AGL: variants seen among roughly 807,000 people sequenced by gnomAD.
AGL encodes the protein amylo-alpha-1,6-glucosidase and 4-alpha-glucanotransferase, also known as glycogen debranching enzyme.
In AGL, 128 loss-of-function variants were observed where a neutral mutation model predicts 199.3. The ratio of observed to expected loss-of-function variants is 0.64; its 90% CI spans 0.56 to 0.74. The LOEUF (loss-of-function observed/expected upper bound fraction) is 0.74, where lower values mean the gene tolerates loss of function less well. Among genes scored for constraint, AGL ranks in the 30% least tolerant of loss-of-function variants. AGL has a pLI of 0.00. For synonymous variants in AGL, 584 were observed against 594.7 expected (o/e 0.98, Z 0.26); for missense variants, 1,809 against 1,820.8 (o/e 0.99, Z 0.12).
intron 25 of AGL, among the ~76,000 whole-genome samples, chr1:99,900,230 A>G (rs945123209): frequency 2.6e-5 from 4 of 152,140 alleles, no homozygotes; most frequent in African/African-American, 9.7e-5. Flanking sequence ...ATGCCCAGCC[A>G]GTTTGTTTTC....
chr1:99,901,103 G>A (rs1653801642), intron 26 of AGL, among the ~76,000 whole-genome samples: 1 of 152,018 alleles, frequency 6.6e-6, no homozygotes, highest in Non-Finnish European at 1.5e-5. Flanking sequence ...GATTGTAGAG[G>A]AAGTGTTGTG....
intron 2 of AGL, chr1:99,852,476 TCTC>T (rs1649045804): frequency 3.4e-6 from 2 of 595,418 alleles, no homozygotes; most frequent in Non-Finnish European, 5.9e-6. Flanking sequence ...CTCAAGCAGT[TCTC>T]CTGCCTCAGC....
chr1:99,881,429 A>C lies in AGL; in HGVS notation c.2139A>C (p.Gly713=). The change falls in exon 16 of 34, where the codon GGA becomes GGC. Residue 713 remains glycine (G), a synonymous_variant. Transcript: ENST00000361915. ...CAISKLHQEL[G]AKGFIQVYVD... ...TCAGTAAACTTCATCAGGAGCTTGG[A>C]GCCAAGGGTTTTATTCAGGCAAGAA... is the stretch of plus-strand genomic sequence containing the variant. 6.2e-7 allele frequency: 1 copy of C among 1,614,114 alleles called. No individual in the cohort carries two copies. Among genetic ancestry groups the C allele is most frequent in the Non-Finnish European group, 8.5e-7 (1 of 1,179,998 alleles).
chr1:99,913,763 T>G (rs1312422139), intron 30 of AGL, 25 bp downstream of exon 30: 20 of 1,602,598 alleles, frequency 1.2e-5, no homozygotes, highest in Non-Finnish European at 1.7e-5. Context: ...TGTAAAAACA[T>G]TTCAAAAAAT....
chr1:99,883,579 A>G (rs1328310931), intron 17 of AGL, among the ~76,000 whole-genome samples: 4 of 152,160 alleles, frequency 2.6e-5, no homozygotes, highest in Non-Finnish European at 5.9e-5. Context: ...TTGCAAATAT[A>G]TATAACTTCA....
rs150146360 is a variant in AGL at position 99,862,304 on chromosome 1, G to C, written c.341G>C (p.Arg114Pro). Reference sequence around the variant, plus strand: ...TACATAGTTGTGGACCCCATTTTACGTGTTGGTGCTGATAATCATGTGCTA... The same window carrying C: ...TACATAGTTGTGGACCCCATTTTACCTGTTGGTGCTGATAATCATGTGCTA... ...GGYIVVDPILRVGADNHVLPL... is the reference protein window; with the variant it reads ...GGYIVVDPILPVGADNHVLPL... The change falls in exon 4 of 34, where the codon CGT becomes CCT. Residue 114 changes from arginine (R) to proline (P), a missense_variant. Coordinates refer to ENST00000361915, the MANE Select transcript of AGL (RefSeq NM_000642.3). 1.2e-6 allele frequency: 2 copies of C among 1,613,982 alleles called. No individual in the cohort carries two copies. Among genetic ancestry groups the C allele is most frequent in the African/African-American group, 1.3e-5 (1 of 74,992 alleles).
Position 99,922,890 on chromosome 1 carries a change from T to A in AGL, c.*1239T>A, listed in dbSNP as rs1287087367. On this transcript the variant is annotated 3_prime_UTR_variant, in exon 34 of 34. Transcript: ENST00000361915. ...AATAATGCTACTTTCAAAGTAGCAT[T>A]TTTTTAGTTAGTTTACAGGTTACAT... 1.3e-5 allele frequency: 2 copies of A among 151,988 alleles called. No homozygotes were observed. Among genetic ancestry groups the A allele is most frequent in the Non-Finnish European group, 2.9e-5 (2 of 67,916 alleles). The allele number at this position is 151,988 out of a possible 1,614,324, so 9.4% of individuals were successfully genotyped here.
chr1:99,902,767 C>T lies in AGL; in HGVS notation c.3673C>T (p.Gln1225Ter). 6.2e-7 allele frequency: 1 copy of T among 1,613,254 alleles called. No individual in the cohort carries two copies. The highest frequency in any genetic ancestry group is 8.5e-7 in the Non-Finnish European group (1 of 1,179,438). Reference protein sequence around the residue: ...IQFRERNAGPQIDRNMKDEGF... With the variant: ...IQFRERNAGP ...GTTCCGAGAAAGGAATGCTGGTCCC[C>T]AGATAGATCGAAACATGAAGGACGA... The change falls in exon 27 of 34, where the codon CAG (glutamine) becomes TAG (stop). Residue 1225 changes from glutamine (Q) to a stop codon, truncating the protein, a stop_gained. Transcript: ENST00000361915. LOFTEE classifies it high-confidence loss of function.
In AGL at chr1:99,913,629, A is replaced by G. The variant is rs41285740; in HGVS notation, c.4052A>G (p.Lys1351Arg). The G allele has an allele frequency of 1.7e-4, 281 of 1,614,010 alleles. No homozygotes were observed. The highest frequency in any genetic ancestry group is 2.2e-4 in the Non-Finnish European group (259 of 1,179,900). ...GAAGACCCTTCAGATTTAAATGAAA[A>G]GCATCCAAATCTGGTTCACAAACGT... The part of the protein sequence containing the change: ...VSEDPSDLNE[K>R]HPNLVHKRGI... Residue 1351 changes from lysine (K) to arginine (R), a missense_variant, in exon 30 of 34, where the codon AAG becomes AGG. By Grantham distance (26) the Lys-to-Arg change is conservative (BLOSUM62 2). Transcript: ENST00000361915.
At chr1:99,849,840 T>A (rs1465908547), upstream of AGL, among the ~76,000 whole-genome samples, 2 of 152,142 alleles carry the variant, frequency 1.3e-5, no homozygotes, top group African/African-American at 4.8e-5. Flanking sequence ...CAGCAAAAGA[T>A]CCTACTGTGC....
chr1:99,889,305 C>T (rs2100782688), intron 21 of AGL, among the ~76,000 whole-genome samples: 1 of 152,294 alleles, frequency 6.6e-6, no homozygotes, highest in South Asian at 2.1e-4. Context: ...TTCTGCAAAA[C>T]CAAGCACGTA....
intron 21 of AGL, among the ~76,000 whole-genome samples, chr1:99,890,312 A>T (rs1652778647): frequency 1.3e-5 from 2 of 152,104 alleles, no homozygotes; most frequent in Non-Finnish European, 2.9e-5. Flanking sequence ...ACCAACATTT[A>T]CCGAGCATTA....
At chr1:99,877,858 A>G (rs1183841399) in intron 12 of AGL, 30 bp downstream of exon 12, 2 of 1,606,416 alleles carry the variant, frequency 1.2e-6, no homozygotes, top group Non-Finnish European at 1.7e-6. Context: ...CTACATTAAG[A>G]AAAGAAATTC....
At position 99,913,592 on chromosome 1, in the gene AGL, T is replaced by A. The variant is rs1217913778; in HGVS notation, c.4015T>A (p.Phe1339Ile). 6.2e-7 allele frequency: 1 copy of A among 1,613,966 alleles called. No individual in the cohort carries two copies. The highest frequency in any genetic ancestry group is 2.2e-5 in the East Asian group (1 of 44,872). Reference protein sequence around the residue: ...RKIQDNFEKLFHVSEDPSDLN... With the variant: ...RKIQDNFEKLIHVSEDPSDLN... Reference sequence around the variant, plus strand: ...AATACAAGACAACTTTGAAAAGCTATTTCATGTTTCCGAAGACCCTTCAGA... The same window carrying A: ...AATACAAGACAACTTTGAAAAGCTAATTCATGTTTCCGAAGACCCTTCAGA... The change falls in exon 30 of 34, where the codon TTT (phenylalanine) becomes ATT (isoleucine). Residue 1339 changes from phenylalanine (F) to isoleucine (I), a missense_variant. Coordinates refer to ENST00000361915, the MANE Select transcript of AGL (RefSeq NM_000642.3).
upstream of AGL, among the ~76,000 whole-genome samples, chr1:99,849,470 C>T (rs1188663738): frequency 1.3e-5 from 2 of 152,072 alleles, no homozygotes; most frequent in South Asian, 4.1e-4. Context: ...AGTTACTGGC[C>T]TAACATAAGT....
intron 7 of AGL, among the ~76,000 whole-genome samples, chr1:99,873,975 A>C (rs923697897): frequency 1.3e-5 from 2 of 152,190 alleles, no homozygotes; most frequent in Admixed American, 1.3e-4. Context: ...ACCAGTTCTT[A>C]ATTTTATTAC....
In AGL at chr1:99,916,723, T is replaced by C. The variant is rs1553193527; in HGVS notation, c.4473T>C (p.His1491=). The C allele has an allele frequency of 6.2e-7, 1 of 1,613,292 alleles. No individual in the cohort carries two copies. Among genetic ancestry groups the C allele is most frequent in the Non-Finnish European group, 8.5e-7 (1 of 1,179,464 alleles). The change falls in exon 33 of 34, where the codon CAT becomes CAC. Residue 1491 remains histidine, a synonymous_variant. Transcript: ENST00000361915. ...VKNVLSRHYV[H]LERSPWKGLP... ...ATGTTCTTTCCCGACATTATGTTCA[T>C]CTTGAGAGGTAAGTCATCAGGAGCA...
At chr1:99,849,454 G>A (rs1373747669), upstream of AGL, among the ~76,000 whole-genome samples, 1 of 152,248 alleles carries the variant, frequency 6.6e-6, no homozygotes, top group Non-Finnish European at 1.5e-5. Flanking sequence ...TCTGCAAAAA[G>A]TTCTGAGTTA....
chr1:99,913,779 G>A, intron 30 of AGL, 41 bp downstream of exon 30: 3 of 1,576,338 alleles, frequency 1.9e-6, no homozygotes, highest in South Asian at 1.1e-5. Flanking sequence ...AAAATGATGT[G>A]CTAGAGTTTG....
Sources: allele counts gnomAD v4.1 joint callset (sites outside exome capture counted in the v4.1 genomes callset), GRCh38; gene constraint gnomAD v4.1.1; transcripts MANE v1.5; gene names NCBI Gene and HGNC (gene_info 2026-07-23, HGNC 2026-07-21).